Variants in GOLGA5 observed in about 807,000 individuals in gnomAD.
GOLGA5 encodes golgin A5, also known as golgin subfamily A member 5.
A neutral mutation model predicts 93.5 loss-of-function variants in GOLGA5; 50 were observed. The ratio of observed to expected loss-of-function variants is 0.53; its 90% CI spans 0.43 to 0.68. GOLGA5 has a LOEUF of 0.68. Ranked by LOEUF, GOLGA5 falls within the 30% of genes least tolerant of loss-of-function variation. The pLI is 0.00. For synonymous variants in GOLGA5, 312 were observed against 304.5 expected (o/e 1.02, Z -0.26); for missense variants, 760 against 856.4 (o/e 0.89, Z 1.40).
chr14:92,837,498 GT>G lies in GOLGA5; in HGVS notation c.2115+60del, dbSNP rs557995443. 834 of 640,062 alleles carry G rather than the reference GT, an allele frequency of 1.3e-3. 1 individual carries two copies. The highest frequency in any genetic ancestry group is 1.6e-3 in the Non-Finnish European group (605 of 376,956). The allele number at this position is 640,062 out of a possible 1,614,324, so 39.6% of individuals were successfully genotyped here. ...CAATGATGCACTTGATTTTTAACTA[GT>G]TTTTTTTTTTGTTTGTTTGTTTGTT... On this transcript the variant is annotated intron_variant, in intron 12 of 12. Coordinates refer to ENST00000163416, the MANE Select transcript of GOLGA5 (RefSeq NM_005113.4).
intron 2 of GOLGA5, among the ~76,000 whole-genome samples, chr14:92,805,768 T>C (rs1029597137): frequency 6.6e-6 from 1 of 152,320 alleles, no homozygotes; most frequent in Admixed American, 6.5e-5. Context: ...TTGATATTTG[T>C]TTATATAACC....
chr14:92,836,230 G>C (rs1035822902), intron 11 of GOLGA5, among the ~76,000 whole-genome samples: 2 of 151,930 alleles, frequency 1.3e-5, no homozygotes, highest in Admixed American at 6.6e-5. Context: ...TAAGGTTCTT[G>C]TCTAAATAAC....
intron 10 of GOLGA5, among the ~76,000 whole-genome samples, chr14:92,833,975 C>T (rs964819411): frequency 6.9e-6 from 1 of 145,810 alleles, no homozygotes; most frequent in South Asian, 2.1e-4. Context: ...AGGAAGACCT[C>T]GTTGAAAAGT....
At chr14:92,821,726 G>A (rs1043046325) in intron 8 of GOLGA5, among the ~76,000 whole-genome samples, 1 of 152,118 alleles carries the variant, frequency 6.6e-6, no homozygotes, top group Non-Finnish European at 1.5e-5. Flanking sequence ...TATAAAAGTT[G>A]TAATTCAACT....
chr14:92,839,010 C>T (rs1885704943), intron 12 of GOLGA5, among the ~76,000 whole-genome samples: 1 of 152,220 alleles, frequency 6.6e-6, no homozygotes, highest in Non-Finnish European at 1.5e-5. Flanking sequence ...ATTGGTTAAA[C>T]TCTCTTTCAG....
rs766567893 is a variant in GOLGA5 at position 92,806,814 on chromosome 14, G to T, written c.623G>T (p.Cys208Phe). 1.9e-6 allele frequency: 3 copies of T among 1,613,704 alleles called. No individual in the cohort carries two copies. The highest frequency in any genetic ancestry group is 2.5e-6 in the Non-Finnish European group (3 of 1,179,652). ...SKENVSSNAACPDHTPTPNDD... is the reference protein window; with the variant it reads ...SKENVSSNAAFPDHTPTPNDD... The stretch of plus-strand genomic sequence containing the variant: ...GAAAATGTGTCATCAAATGCTGCCT[G>T]CCCTGACCACACCCCAACACCTAAT... The change falls in exon 3 of 13, where the codon TGC becomes TTC. Residue 208 changes from cysteine (C) to phenylalanine (F), a missense_variant. Cys to Phe is a radical substitution (Grantham distance 205). Coordinates refer to ENST00000163416, the MANE Select transcript of GOLGA5 (RefSeq NM_005113.4).
chr14:92,816,232 A>G lies in GOLGA5; in HGVS notation c.1321-19A>G, dbSNP rs1566956573. ...ACTAATCTCTGCTTTGCTTAAACAT[A>G]TTTCTTCTTTTATAATAGTCTAAGG... On this transcript the variant is annotated intron_variant, in intron 6 of 12. Coordinates refer to ENST00000163416, the MANE Select transcript of GOLGA5 (RefSeq NM_005113.4). 6 of 1,558,240 alleles carry G rather than the reference A, an allele frequency of 3.9e-6. No individual in the cohort carries two copies. The highest frequency in any genetic ancestry group is 5.3e-6 in the Non-Finnish European group (6 of 1,132,852).
At chr14:92,829,339 C>G (rs1358906432) in intron 9 of GOLGA5, among the ~76,000 whole-genome samples, 1 of 151,896 alleles carries the variant, frequency 6.6e-6, no homozygotes, top group African/African-American at 2.4e-5. Context: ...GAGGCACAGT[C>G]AATTGAGAAC....
Position 92,829,596 on chromosome 14 carries a change from A to G in GOLGA5, c.1720-3526A>G, listed in dbSNP as rs186762190. ...TGCTGCAATCTCATAATAAAACTTA[A>G]ACAGATGAGGAGTTGCTTCTTACCG... On this transcript the variant is annotated intron_variant, in intron 9 of 12. Transcript: ENST00000163416. Among the ~76,000 whole-genome samples the G allele has an allele frequency of 5.7e-3, 871 of 152,304 alleles. 5 individuals carry two copies. The highest frequency in any genetic ancestry group is 6.7e-3 in the Non-Finnish European group (455 of 68,032).
intron 1 of GOLGA5, among the ~76,000 whole-genome samples, chr14:92,796,678 A>G (rs1884734367): frequency 6.6e-6 from 1 of 152,062 alleles, no homozygotes; most frequent in South Asian, 2.1e-4. Context: ...TTGCTACATT[A>G]AGATTTGCCC....
In GOLGA5 at chr14:92,839,697, A is replaced by G. The variant is rs1885718755; in HGVS notation, c.*251A>G. On this transcript the variant is annotated 3_prime_UTR_variant, in exon 13 of 13. Coordinates refer to ENST00000163416, the MANE Select transcript of GOLGA5 (RefSeq NM_005113.4). ...TATCTGAGTTTAGTGGTCCTAATAT[A>G]TATGTAGAGAAAGATGGTGGGGTTG... The G allele has an allele frequency of 1.3e-5, 7 of 524,698 alleles. No individual in the cohort carries two copies. The South Asian group carries it at 1.9e-4, about 14-fold the overall frequency. 32.5% of individuals were successfully genotyped at this position (524,698 alleles called of 1,614,324 possible). A position where few individuals can be genotyped will look rare whatever the true frequency, so the allele number is the denominator to read the frequency against.
At chr14:92,795,035 A>G (rs913525714) in intron 1 of GOLGA5, among the ~76,000 whole-genome samples, 3 of 152,196 alleles carry the variant, frequency 2.0e-5, no homozygotes, top group African/African-American at 7.2e-5. Flanking sequence ...GTTGCATGGT[A>G]TGTTTTAAAG....
At chr14:92,798,262 A>G (rs1884782140) in intron 2 of GOLGA5, among the ~76,000 whole-genome samples, 1 of 152,226 alleles carries the variant, frequency 6.6e-6, no homozygotes, top group Non-Finnish European at 1.5e-5. Flanking sequence ...TTAAGATTAA[A>G]AAAAGAAAAT....
At chr14:92,810,468 A>T in intron 5 of GOLGA5, 91 bp downstream of exon 5, 2 of 888,178 alleles carry the variant, frequency 2.3e-6, no homozygotes, top group Non-Finnish European at 3.3e-6. Flanking sequence ...TGTCTAATAT[A>T]ATTCTGCAAT....
intron 2 of GOLGA5, among the ~76,000 whole-genome samples, chr14:92,798,295 G>T (rs954079313): frequency 8.5e-5 from 13 of 152,202 alleles, no homozygotes; most frequent in African/African-American, 3.1e-4. Context: ...AAGAAAACAT[G>T]TCAGTTTGGA....
chr14:92,808,405 T>A (rs1034539035), intron 3 of GOLGA5, among the ~76,000 whole-genome samples: 4 of 152,178 alleles, frequency 2.6e-5, no homozygotes, highest in African/African-American at 9.7e-5. Context: ...AAGGCTGAGA[T>A]GGGAAAATTG....
In GOLGA5 at chr14:92,835,633, C is replaced by T. The variant is rs774532511; in HGVS notation, c.2020C>T (p.Arg674Cys). 2.5e-6 allele frequency: 4 copies of T among 1,612,066 alleles called. No individual in the cohort carries two copies. Among genetic ancestry groups the T allele is most frequent in the South Asian group, 1.1e-5 (1 of 91,016 alleles). Residue 674 changes from arginine (R) to cysteine (C), a missense_variant, in exon 11 of 13, where the codon CGC becomes TGC. Physicochemically the swap from Arg to Cys is radical, Grantham distance 180. Transcript: ENST00000163416. Reference protein sequence around the residue: ...TNLAGMYGKVRKAASSIDQFS... With the variant: ...TNLAGMYGKVCKAASSIDQFS... ...TCTGGCAGGAATGTACGGAAAAGTT[C>T]GCAAAGCTGCTAGTTCAATTGATCA...
Position 92,801,930 on chromosome 14 carries a change from T to C in GOLGA5, c.544+3949T>C, listed in dbSNP as rs547179891. 5.9e-5 allele frequency among the ~76,000 whole-genome samples: 9 copies of C among 152,316 alleles called. No homozygotes were observed. The South Asian group carries it at 1.9e-3, about 32-fold the overall frequency. ...CAGTGCCACCCTGTTTTAATTAATG[T>C]AGTTTTATGTGTCTTGATAACTGAT... On this transcript the variant is annotated intron_variant, in intron 2 of 12. Coordinates refer to ENST00000163416, the MANE Select transcript of GOLGA5 (RefSeq NM_005113.4).
intron 12 of GOLGA5, among the ~76,000 whole-genome samples, chr14:92,839,098 A>G (rs555673016): frequency 1.1e-3 from 166 of 152,354 alleles, no homozygotes; most frequent in African/African-American, 3.7e-3. Flanking sequence ...ACTCTGCATT[A>G]TAATCAACTG....
Sources: gnomAD v4.1 joint callset for allele counts (sites outside exome capture counted in the v4.1 genomes callset) on GRCh38, gnomAD v4.1.1 for gene constraint, MANE v1.5 for transcripts, NCBI Gene and HGNC (gene_info 2026-07-23, HGNC 2026-07-21) for gene names.